KCTD1: variants seen among roughly 807,000 people sequenced by gnomAD.
KCTD1 encodes BTB/POZ domain-containing protein KCTD1.
In KCTD1, 24 loss-of-function variants were observed where a neutral mutation model predicts 66.0. The observed-to-expected ratio is 0.36, with a 90% CI of 0.26 to 0.51. The LOEUF (loss-of-function observed/expected upper bound fraction) is 0.51, where lower values mean the gene tolerates loss of function less well. KCTD1 is among the 20% of genes least tolerant of loss of function. The pLI, the probability that KCTD1 is intolerant of heterozygous loss-of-function variation, is 0.95. For missense variants in KCTD1, 943 were observed against 1,205.2 expected, an observed-to-expected ratio of 0.78 and a Z score of 3.22; for synonymous variants, 511 against 517.2, an observed-to-expected ratio of 0.99 and a Z score of 0.16.
intron 1 of KCTD1, chr18:26,599,522 G>A: frequency 5.1e-6 from 8 of 1,563,104 alleles, no homozygotes; most frequent in Non-Finnish European, 7.1e-6. Flanking sequence ...TGGCAATGAG[G>A]GCCGTGGGTC....
chr18:26,638,650 G>C (rs1189477280), intron 1 of KCTD1, among the ~76,000 whole-genome samples: 3 of 152,232 alleles, frequency 2.0e-5, no homozygotes, highest in African/African-American at 7.2e-5. Flanking sequence ...GGAAGTGCCC[G>C]GCAGGGCAGC....
At chr18:26,492,887 G>C (rs1261192516) in intron 2 of KCTD1, among the ~76,000 whole-genome samples, 1 of 152,030 alleles carries the variant, frequency 6.6e-6, no homozygotes, top group Non-Finnish European at 1.5e-5. Flanking sequence ...TACCTATAAG[G>C]TTATATGAAA....
Position 26,546,923 on chromosome 18 carries a change from CTCG to C in KCTD1, c.1611_1613del (p.Tyr537_Glu538delinsTer). 1 of 1,480,306 alleles carries C rather than the reference CTCG, an allele frequency of 6.8e-7. No individual in the cohort carries two copies. The highest frequency in any genetic ancestry group is 9.0e-7 in the Non-Finnish European group (1 of 1,113,768). The allele number at this position is 1,480,306 out of a possible 1,614,324, so 91.7% of individuals were successfully genotyped here. On this transcript the variant is annotated stop_gained and inframe_deletion, in exon 1 of 5. Transcript: ENST00000580059. LOFTEE classifies it high-confidence loss of function. The stretch of plus-strand genomic sequence containing the variant: ...AGATTTCCCCCGACCCGAACACAGA[CTCG>C]TACAGGGCGCGCTTGGGCGCAGCCT...
upstream of KCTD1, among the ~76,000 whole-genome samples, chr18:26,629,862 T>C (rs138074793): frequency 9.1e-3 from 1,379 of 152,122 alleles, 19 homozygotes; most frequent in African/African-American, 0.032. Flanking sequence ...GGATTATAGA[T>C]GTCTGCCACC....
intron 2 of KCTD1, among the ~76,000 whole-genome samples, chr18:26,487,513 G>A (rs1423900595): frequency 1.3e-5 from 2 of 152,160 alleles, no homozygotes; most frequent in Non-Finnish European, 2.9e-5. Flanking sequence ...AATTTATGTC[G>A]CAAGCTTATT....
At chr18:26,566,602 G>A (rs1259360235) in intron 1 of KCTD1, 12 of 152,196 alleles carry the variant, frequency 7.9e-5, no homozygotes, top group Admixed American at 7.9e-4. Context: ...ATCCATTTGG[G>A]AAGGCTGAAT....
intron 1 of KCTD1, among the ~76,000 whole-genome samples, chr18:26,611,332 TTTTG>T (rs141699243): frequency 0.34 from 50,820 of 150,382 alleles, 8,713 homozygotes; most frequent in South Asian, 0.45. Flanking sequence ...AGTAACTGGG[TTTTG>T]TTTGTTTGTT....
At chr18:26,541,773 C>A (rs146848033) in intron 1 of KCTD1, among the ~76,000 whole-genome samples, 249 of 151,866 alleles carry the variant, frequency 1.6e-3, no homozygotes, top group African/African-American at 5.8e-3. Context: ...TTAATCTCAA[C>A]CCATACCCTT....
At chr18:26,532,720 G>T (rs529289885) in intron 1 of KCTD1, among the ~76,000 whole-genome samples, 1 of 152,356 alleles carries the variant, frequency 6.6e-6, no homozygotes, top group South Asian at 2.1e-4. Context: ...ATGTTGGCAT[G>T]AGTGGTCAGT....
chr18:26,597,658 GTTT>G (rs71169866), intron 1 of KCTD1, among the ~76,000 whole-genome samples: 10 of 108,078 alleles, frequency 9.3e-5, no homozygotes, highest in African/African-American at 6.6e-5. Flanking sequence ...AGGTCTTGGT[GTTT>G]TTTTTTTTTT....
upstream of KCTD1, chr18:26,548,566 G>C: frequency 1.6e-6 from 2 of 1,219,456 alleles, no homozygotes; most frequent in Non-Finnish European, 2.0e-6. Flanking sequence ...TCCTCGGGCA[G>C]GGCGCATGCG....
chr18:26,600,018 G>A, intron 1 of KCTD1: 3 of 1,611,544 alleles, frequency 1.9e-6, no homozygotes, highest in Non-Finnish European at 2.5e-6. Context: ...CCAACGATAT[G>A]GAGGACGACA....
intron 2 of KCTD1, among the ~76,000 whole-genome samples, chr18:26,487,684 G>A (rs1358031871): frequency 6.6e-6 from 1 of 152,212 alleles, no homozygotes; most frequent in Non-Finnish European, 1.5e-5. Flanking sequence ...TGCACGGTCT[G>A]TAGGTGTGTG....
Position 26,459,757 on chromosome 18 carries a change from C to T in KCTD1, c.2302G>A (p.Asp768Asn). ...DLGERITLSG[D>N]KSLIEEVFPE... ...AATACTTCTTCTATCAAGGATTTGT[C>T]ACCGCTTAGCGTGATCCTTTCTCCG... The change falls in exon 4 of 5, where the codon GAC becomes AAC. Residue 768 changes from aspartate to asparagine, a missense_variant. Coordinates refer to ENST00000580059, the MANE Select transcript of KCTD1 (RefSeq NM_001142730.3). 1 of 1,614,190 alleles carries T rather than the reference C, an allele frequency of 6.2e-7. No homozygotes were observed. The highest frequency in any genetic ancestry group is 8.5e-7 in the Non-Finnish European group (1 of 1,180,040).
chr18:26,570,191 A>AAAAAAAAAT (rs776923644), intron 1 of KCTD1, among the ~76,000 whole-genome samples: 3 of 132,544 alleles, frequency 2.3e-5, no homozygotes, highest in Non-Finnish European at 4.8e-5. Flanking sequence ...ATCTAAAAAA[A>AAAAAAAAAT]ATATATATAT....
At chr18:26,642,849 G>A (rs943518775), upstream of KCTD1, among the ~76,000 whole-genome samples, 74 of 122,990 alleles carry the variant, frequency 6.0e-4, no homozygotes, top group African/African-American at 2.0e-3. Flanking sequence ...ACACTAGAAG[G>A]AAATGTAATT....
upstream of KCTD1, among the ~76,000 whole-genome samples, chr18:26,643,619 C>T (rs1481349076): frequency 6.6e-6 from 1 of 152,192 alleles, no homozygotes; most frequent in Non-Finnish European, 1.5e-5. Context: ...CTAGAACAGC[C>T]TCCGTGGGGA....
intron 1 of KCTD1, among the ~76,000 whole-genome samples, chr18:26,505,455 T>C (rs202207004): frequency 6.6e-6 from 1 of 152,264 alleles, no homozygotes; most frequent in Non-Finnish European, 1.5e-5. Flanking sequence ...CCCTCCGGAA[T>C]ACAGACGAAG....
chr18:26,600,211 C>T, intron 1 of KCTD1: 3 of 1,600,528 alleles, frequency 1.9e-6, no homozygotes, highest in Non-Finnish European at 2.6e-6. Flanking sequence ...GAGCTCCCAG[C>T]CCAAGTCGGC....
Sources: gnomAD v4.1 joint callset for allele counts (sites outside exome capture counted in the v4.1 genomes callset) on GRCh38, gnomAD v4.1.1 for gene constraint, MANE v1.5 for transcripts, NCBI Gene and HGNC (gene_info 2026-07-23, HGNC 2026-07-21) for gene names.